NFATC3: variants seen among roughly 807,000 people sequenced by gnomAD.
NFATC3 encodes the protein nuclear factor of activated T cells 3.
In NFATC3, 46 loss-of-function variants were observed where a neutral mutation model predicts 98.6. The observed-to-expected ratio is 0.47, with a 90% CI of 0.37 to 0.60. NFATC3 has a LOEUF of 0.60. NFATC3 is among the 20% of genes least tolerant of loss of function. The pLI, the probability that NFATC3 is intolerant of heterozygous loss-of-function variation, is 0.00. For missense variants in NFATC3, 1,256 were observed against 1,295.5 expected (o/e 0.97, Z 0.47); for synonymous variants, 512 against 472.2 (o/e 1.08, Z -1.09).
At chr16:68,124,839 C>T (rs1053391171) in intron 2 of NFATC3, among the ~76,000 whole-genome samples, 4 of 152,164 alleles carry the variant, frequency 2.6e-5, no homozygotes, top group Non-Finnish European at 5.9e-5. Flanking sequence ...AGCAATTCTC[C>T]TGCCTCAGCC....
In NFATC3 at chr16:68,085,569, G is replaced by A; in HGVS notation, c.-113G>A. The A allele has an allele frequency of 1.1e-6, 1 of 915,208 alleles. No individual in the cohort carries two copies. Among genetic ancestry groups the A allele is most frequent in the Non-Finnish European group, 1.5e-6 (1 of 652,858 alleles). 56.7% of individuals were successfully genotyped at this position (915,208 alleles called of 1,614,324 possible). A position where few individuals can be genotyped will look rare whatever the true frequency, so the allele number is the denominator to read the frequency against. On this transcript the variant is annotated 5_prime_UTR_variant, in exon 1 of 10. Transcript: ENST00000346183. The stretch of plus-strand genomic sequence containing the variant: ...CCCGGAAAGTTTGCCGTGGAGTCGC[G>A]ACCTCTTGGCCCGCGCGGCCCGGCA...
At position 68,185,803 on chromosome 16, in the gene NFATC3, C is replaced by T. The variant is rs530958999; in HGVS notation, c.2098+2437C>T. 1.6e-4 allele frequency among the ~76,000 whole-genome samples: 23 copies of T among 139,960 alleles called. No homozygotes were observed. The South Asian group carries it at 4.8e-3, about 29-fold the overall frequency. 91.8% of individuals were successfully genotyped at this position (139,960 alleles called of 152,430 possible). On this transcript the variant is annotated intron_variant, in intron 8 of 9. Coordinates refer to ENST00000346183, the MANE Select transcript of NFATC3 (RefSeq NM_173165.3). ...GCATGAACCCGGGAGGTGGAGCTTT[C>T]AGTGAGCCGAGATCGCACCACCGCA...
At chr16:68,192,472 A>G (rs2040486876) in intron 9 of NFATC3, among the ~76,000 whole-genome samples, 1 of 151,688 alleles carries the variant, frequency 6.6e-6, no homozygotes, top group South Asian at 2.1e-4. Context: ...TGTCTAGAGA[A>G]TGGAATTCAA....
intron 9 of NFATC3, among the ~76,000 whole-genome samples, chr16:68,215,787 G>A (rs1247439795): frequency 6.9e-6 from 1 of 144,322 alleles, no homozygotes; most frequent in Non-Finnish European, 1.5e-5. Context: ...GAGTGCAGTG[G>A]TGCGATCTCC....
chr16:68,099,532 C>T (rs1243693859), intron 1 of NFATC3, among the ~76,000 whole-genome samples: 1 of 151,294 alleles, frequency 6.6e-6, no homozygotes, highest in Non-Finnish European at 1.5e-5. Context: ...ACCTGGGAGG[C>T]GAGGGTTGCA....
intron 9 of NFATC3, among the ~76,000 whole-genome samples, chr16:68,214,005 A>G (rs189650506): frequency 6.6e-6 from 1 of 152,302 alleles, no homozygotes; most frequent in East Asian, 1.9e-4. Flanking sequence ...AGTATTTGGG[A>G]ACTACTAATA....
chr16:68,115,667 T>C (rs566982840), intron 1 of NFATC3, among the ~76,000 whole-genome samples: 28 of 152,224 alleles, frequency 1.8e-4, no homozygotes, highest in South Asian at 1.5e-3. Flanking sequence ...TCAAGTGATC[T>C]GCCCCCTTTG....
chr16:68,118,506 A>G (rs761129487), intron 1 of NFATC3, among the ~76,000 whole-genome samples: 1 of 152,100 alleles, frequency 6.6e-6, no homozygotes, highest in Non-Finnish European at 1.5e-5. Flanking sequence ...TTATTGTTCC[A>G]TTTCACTGAT....
intron 3 of NFATC3, among the ~76,000 whole-genome samples, chr16:68,156,336 AAAC>A (rs1276440235): frequency 6.6e-6 from 1 of 151,998 alleles, no homozygotes; most frequent in Non-Finnish European, 1.5e-5. Context: ...ACAACAACAA[AAAC>A]AAAAACAAAT....
intron 3 of NFATC3, chr16:68,138,656 T>G: frequency 1.6e-6 from 2 of 1,288,840 alleles, no homozygotes; most frequent in Non-Finnish European, 2.0e-6. Flanking sequence ...ACTTACAATT[T>G]TTTGGCTACA....
rs758708379 is a variant in NFATC3 at position 68,183,236 on chromosome 16, T to G, written c.1972-4T>G. 2 of 1,576,850 alleles carry G rather than the reference T, an allele frequency of 1.3e-6. No individual in the cohort carries two copies. Among genetic ancestry groups the G allele is most frequent in the East Asian group, 2.2e-5 (1 of 44,650 alleles). On this transcript the variant is annotated splice_polypyrimidine_tract_variant and splice_region_variant and intron_variant, in intron 7 of 9. Coordinates refer to ENST00000346183, the MANE Select transcript of NFATC3 (RefSeq NM_173165.3). ...TGTAACACAATCTTGCTTTCCATCC[T>G]TAGGCTCACATTGTCCTTGAAGTTC...
rs1469354175 is a variant in NFATC3, at chr16:68,085,731, T to C, written c.50T>C (p.Val17Ala). ...GAHDELDFKL[V>A]FGEDGAPAPP... The stretch of plus-strand genomic sequence containing the variant: ...CACGACGAGCTCGACTTCAAACTCG[T>C]CTTTGGCGAGGACGGGGCGCCGGCG... The change falls in exon 1 of 10, where the codon GTC becomes GCC. Residue 17 changes from valine (V) to alanine (A), a missense_variant. Val to Ala is a moderately conservative substitution (Grantham distance 64). Transcript: ENST00000346183. 2.6e-6 allele frequency: 4 copies of C among 1,511,788 alleles called. No individual in the cohort carries two copies. The highest frequency in any genetic ancestry group is 3.5e-6 in the Non-Finnish European group (4 of 1,132,446). 93.6% of individuals were successfully genotyped at this position (1,511,788 alleles called of 1,614,324 possible). A position where few individuals can be genotyped will look rare whatever the true frequency, so the allele number is the denominator to read the frequency against.
intron 6 of NFATC3, among the ~76,000 whole-genome samples, chr16:68,174,965 T>C (rs1325097861): frequency 2.0e-5 from 3 of 152,236 alleles, no homozygotes; most frequent in African/African-American, 7.2e-5. Context: ...TACATGAACT[T>C]AGAGACAAAT....
chr16:68,104,648 A>G (rs2035545466), intron 1 of NFATC3, among the ~76,000 whole-genome samples: 1 of 134,332 alleles, frequency 7.4e-6, no homozygotes. Context: ...GGCTTTTCAC[A>G]AATGGTTTTT....
At chr16:68,126,740 G>A in intron 3 of NFATC3, 130 bp downstream of exon 3, 1 of 820,474 alleles carries the variant, frequency 1.2e-6, no homozygotes, top group Admixed American at 2.9e-5. Context: ...TTGTTTTGGG[G>A]GCTTGTTGAT....
intron 9 of NFATC3, among the ~76,000 whole-genome samples, chr16:68,193,156 A>G (rs1298925378): frequency 3.3e-5 from 5 of 151,986 alleles, no homozygotes; most frequent in African/African-American, 1.2e-4. Context: ...TTTACATTGT[A>G]TTTGGTATTA....
intron 1 of NFATC3, among the ~76,000 whole-genome samples, chr16:68,087,997 A>T (rs1567490057): frequency 6.6e-6 from 1 of 152,188 alleles, no homozygotes; most frequent in East Asian, 1.9e-4. Flanking sequence ...GATGTGTTAT[A>T]TATTCACAGC....
intron 5 of NFATC3, among the ~76,000 whole-genome samples, chr16:68,173,212 A>G (rs962289503): frequency 6.6e-6 from 1 of 151,992 alleles, no homozygotes; most frequent in African/African-American, 2.4e-5. Flanking sequence ...CAGTGAGCTG[A>G]TCATGCCACA....
chr16:68,184,987 A>AT lies in NFATC3; in HGVS notation c.2098+1633dup, dbSNP rs541655102. Among the ~76,000 whole-genome samples the AT allele has an allele frequency of 5.0e-3, 727 of 146,778 alleles. 9 individuals are homozygous for AT. Among genetic ancestry groups the AT allele is most frequent in the South Asian group, 0.031 (144 of 4,672 alleles). The stretch of plus-strand genomic sequence containing the variant: ...TCTATAATTAGGGGTTTATTTATTT[A>AT]TTTTTTTTTTTTGAGAGAGAGTCTT... On this transcript the variant is annotated intron_variant, in intron 8 of 9. Coordinates refer to ENST00000346183, the MANE Select transcript of NFATC3 (RefSeq NM_173165.3).
Sources: gnomAD v4.1 joint callset for allele counts (sites outside exome capture counted in the v4.1 genomes callset) on GRCh38, gnomAD v4.1.1 for gene constraint, MANE v1.5 for transcripts, NCBI Gene and HGNC (gene_info 2026-07-23, HGNC 2026-07-21) for gene names.